Variants in SNTG1 observed in about 807,000 individuals in gnomAD.
The protein encoded by SNTG1 is syntrophin gamma 1, also known as gamma-1-syntrophin.
Under a neutral mutation model 74.7 loss-of-function variants are expected in SNTG1, and 39 were observed. The ratio of observed to expected loss-of-function variants is 0.52; its 90% confidence interval spans 0.40 to 0.68. The LOEUF is 0.68. SNTG1 is among the 30% of genes least tolerant of loss of function. The pLI, the probability that SNTG1 is intolerant of heterozygous loss-of-function variation, is 0.00. For synonymous variants in SNTG1, 254 were observed against 217.1 expected, an observed-to-expected ratio of 1.17 and a Z score of -1.49; for missense variants, 685 against 609.5, an observed-to-expected ratio of 1.12 and a Z score of -1.30.
chr8:49,967,431 T>C (rs550873078), intron 1 of SNTG1, among the ~76,000 whole-genome samples: 24 of 152,324 alleles, frequency 1.6e-4, no homozygotes, highest in African/African-American at 5.5e-4. Context: ...TCTGTATTGT[T>C]TACTTTCTGC....
At chr8:50,304,771 A>G (rs1286664433) in intron 2 of SNTG1, among the ~76,000 whole-genome samples, 1 of 152,208 alleles carries the variant, frequency 6.6e-6, no homozygotes, top group African/African-American at 2.4e-5. Flanking sequence ...TTTCATGATG[A>G]TCCACCATCG....
chr8:50,400,269 T>C (rs935877579), intron 3 of SNTG1, among the ~76,000 whole-genome samples: 18 of 152,218 alleles, frequency 1.2e-4, no homozygotes, highest in Admixed American at 7.9e-4. Context: ...ATATTTGTCT[T>C]TCTATGCCTG....
chr8:50,450,478 C>A, intron 6 of SNTG1, 78 bp from the exon 7 acceptor site: 4 of 1,439,642 alleles, frequency 2.8e-6, no homozygotes, highest in Non-Finnish European at 3.9e-6. Context: ...TAAATTTTAC[C>A]TTTATTTAAT....
intron 8 of SNTG1, among the ~76,000 whole-genome samples, chr8:50,477,624 C>A (rs1484223029): frequency 6.6e-6 from 1 of 152,062 alleles, no homozygotes; most frequent in Non-Finnish European, 1.5e-5. Context: ...CTAAGGAAAT[C>A]TGAATGAGCT....
chr8:50,135,651 A>G (rs1206539190), intron 1 of SNTG1, among the ~76,000 whole-genome samples: 3 of 152,054 alleles, frequency 2.0e-5, no homozygotes, highest in Non-Finnish European at 4.4e-5. Context: ...AATGAATTTT[A>G]TTTCTCTGCT....
intron 13 of SNTG1, among the ~76,000 whole-genome samples, chr8:50,621,010 A>G (rs2131043525): frequency 6.6e-6 from 1 of 152,238 alleles, no homozygotes; most frequent in South Asian, 2.1e-4. Context: ...GGAGGCAATT[A>G]ACTGAAACAG....
intron 1 of SNTG1, among the ~76,000 whole-genome samples, chr8:49,957,680 C>A (rs1194855150): frequency 6.6e-6 from 1 of 152,188 alleles, no homozygotes; most frequent in African/African-American, 2.4e-5. Context: ...GTTACTTACT[C>A]AGATGCTTAC....
intron 9 of SNTG1, among the ~76,000 whole-genome samples, chr8:50,515,078 A>G (rs1046903783): frequency 1.3e-5 from 2 of 152,136 alleles, no homozygotes; most frequent in African/African-American, 4.8e-5. Context: ...ATTTTTCTCT[A>G]TCATTTCATT....
chr8:50,495,463 C>CT (rs66691982), intron 8 of SNTG1, among the ~76,000 whole-genome samples: 3,039 of 129,990 alleles, frequency 0.023, 91 homozygotes, highest in African/African-American at 0.068. Context: ...ATGTCAAATT[C>CT]TTTTTTTTTT....
chr8:50,240,407 T>A (rs1253813208), intron 2 of SNTG1, among the ~76,000 whole-genome samples: 1 of 152,224 alleles, frequency 6.6e-6, no homozygotes, highest in African/African-American at 2.4e-5. Flanking sequence ...GACATTTACT[T>A]AGCTAAAAAA....
chr8:50,348,380 C>G (rs951241313), intron 2 of SNTG1, among the ~76,000 whole-genome samples: 1 of 152,176 alleles, frequency 6.6e-6, no homozygotes, highest in African/African-American at 2.4e-5. Flanking sequence ...CACCCACCCC[C>G]ACTACCCGCT....
chr8:50,611,113 A>AAAGGGAACTGTTATATT (rs1338353786), intron 13 of SNTG1, among the ~76,000 whole-genome samples: 1 of 152,288 alleles, frequency 6.6e-6, no homozygotes, highest in East Asian at 1.9e-4. Context: ...AGAGGAAAGG[A>AAAGGGAACTGTTATATT]AAGGGAACTG....
chr8:50,262,472 G>A (rs1389300174), intron 2 of SNTG1, among the ~76,000 whole-genome samples: 5 of 152,162 alleles, frequency 3.3e-5, no homozygotes, highest in African/African-American at 1.2e-4. Flanking sequence ...GTGAAGTGGT[G>A]CGATCTCTGC....
chr8:50,194,674 G>A (rs1206230547), intron 2 of SNTG1, among the ~76,000 whole-genome samples: 2 of 151,772 alleles, frequency 1.3e-5, no homozygotes, highest in Non-Finnish European at 2.9e-5. Context: ...ATTTAGTTCT[G>A]CTCTGATCTT....
intron 1 of SNTG1, among the ~76,000 whole-genome samples, chr8:50,010,800 T>C (rs1434872479): frequency 2.0e-5 from 3 of 150,000 alleles, no homozygotes; most frequent in East Asian, 3.9e-4. Context: ...TTTTTTTTTT[T>C]TTTTTTTTGG....
intron 13 of SNTG1, among the ~76,000 whole-genome samples, chr8:50,616,645 T>G (rs2094887228): frequency 2.0e-5 from 3 of 152,148 alleles, no homozygotes; most frequent in Admixed American, 1.3e-4. Flanking sequence ...CCCCCTCAGC[T>G]TCTCAGAGTG....
chr8:50,259,460 C>T (rs1191551027), intron 2 of SNTG1, among the ~76,000 whole-genome samples: 2 of 140,738 alleles, frequency 1.4e-5, no homozygotes, highest in East Asian at 2.1e-4. Flanking sequence ...TGTCACACCA[C>T]GGCATTCCAG....
At chr8:50,524,744 GA>G (rs1396308784) in intron 9 of SNTG1, among the ~76,000 whole-genome samples, 1 of 152,044 alleles carries the variant, frequency 6.6e-6, no homozygotes, top group African/African-American at 2.4e-5. Flanking sequence ...AAAATATACT[GA>G]AGGATGTGCA....
intron 2 of SNTG1, among the ~76,000 whole-genome samples, chr8:50,305,524 A>ATGTGTGTGTG (rs5891361): frequency 2.1e-4 from 30 of 146,100 alleles, no homozygotes; most frequent in African/African-American, 5.2e-4. Context: ...GTTTGTGCTT[A>ATGTGTGTGTG]TGTGTGTGTG....
Sources: allele counts gnomAD v4.1 joint callset (sites outside exome capture counted in the v4.1 genomes callset), GRCh38; gene constraint gnomAD v4.1.1; transcripts MANE v1.5; gene names NCBI Gene and HGNC (gene_info 2026-07-23, HGNC 2026-07-21).